The following MTHFD2L variants were observed in gnomAD, a reference collection of about 807,000 sequenced individuals.
MTHFD2L encodes the protein methylenetetrahydrofolate dehydrogenase (NADP+ dependent) 2 like.
Under a neutral mutation model 34.9 loss-of-function variants are expected in MTHFD2L, and 29 were observed. The observed-to-expected ratio is 0.83, with a 90% CI of 0.62 to 1.13. The LOEUF is 1.13. Among genes scored for constraint, MTHFD2L ranks in the 50% most tolerant of loss-of-function variants. The probability of loss-of-function intolerance (pLI) is 0.00; values close to 1 mark genes in which losing one functional copy is unlikely to be tolerated. For synonymous variants in MTHFD2L, 167 were observed against 155.7 expected (o/e 1.07, Z -0.54); for missense variants, 481 against 446.5 (o/e 1.08, Z -0.70).
At chr4:74,119,483 G>C (rs932356849), upstream of MTHFD2L, among the ~76,000 whole-genome samples, 41 of 152,092 alleles carry the variant, frequency 2.7e-4, no homozygotes, top group Admixed American at 1.8e-3. Context: ...AAAGAAAGCT[G>C]CATTTAAAAG....
chr4:74,232,025 C>G (rs568677174), intron 6 of MTHFD2L, among the ~76,000 whole-genome samples: 3 of 152,060 alleles, frequency 2.0e-5, no homozygotes, highest in African/African-American at 7.2e-5. Flanking sequence ...TTAATGTATT[C>G]TATGTTAGGC....
chr4:74,252,320 G>T (rs541609146), intron 6 of MTHFD2L, among the ~76,000 whole-genome samples: 28 of 151,384 alleles, frequency 1.8e-4, no homozygotes, highest in African/African-American at 6.8e-4. Flanking sequence ...CAAACTTACG[G>T]CAAGAGACCA....
intron 1 of MTHFD2L, among the ~76,000 whole-genome samples, chr4:74,135,694 C>A (rs2084278752): frequency 1.2e-4 from 1 of 8,476 alleles, no homozygotes; most frequent in Admixed American, 1.7e-3. Flanking sequence ...GACAAGGACA[C>A]ATTTTTTTTT....
At chr4:74,173,662 G>A (rs1222155149) in intron 1 of MTHFD2L, among the ~76,000 whole-genome samples, 1 of 152,176 alleles carries the variant, frequency 6.6e-6, no homozygotes, top group Non-Finnish European at 1.5e-5. Flanking sequence ...GTGGGGCTAC[G>A]TGTATACATA....
At position 74,182,251 on chromosome 4, in the gene MTHFD2L, G is replaced by A. The variant is rs533918346; in HGVS notation, c.451+6848G>A. ...TGTATCTGTTAGACAATTAGTGAAT[G>A]CTGTTGAAGAAATGAGTGAATCCTG... On this transcript the variant is annotated intron_variant, in intron 3 of 7. Coordinates refer to ENST00000325278, the MANE Select transcript of MTHFD2L (RefSeq NM_001144978.3). 3.9e-5 allele frequency among the ~76,000 whole-genome samples: 6 copies of A among 152,254 alleles called. No homozygotes were observed. The East Asian group carries it at 1.2e-3, about 29-fold the overall frequency.
At chr4:74,176,024 C>G (rs909943926) in intron 3 of MTHFD2L, among the ~76,000 whole-genome samples, 1 of 152,002 alleles carries the variant, frequency 6.6e-6, no homozygotes, top group Non-Finnish European at 1.5e-5. Context: ...AGTATTTTGT[C>G]TATTCTACTT....
intron 2 of MTHFD2L, among the ~76,000 whole-genome samples, chr4:74,117,980 T>G (rs1721683628): frequency 6.6e-6 from 1 of 152,222 alleles, no homozygotes; most frequent in Non-Finnish European, 1.5e-5. Flanking sequence ...GAAAGACCTA[T>G]AAGGGAAGAG....
intron 7 of MTHFD2L, among the ~76,000 whole-genome samples, chr4:74,298,684 G>T (rs543813367): frequency 7.2e-5 from 11 of 152,112 alleles, no homozygotes; most frequent in African/African-American, 2.6e-4. Flanking sequence ...TGAGCTATGA[G>T]AACTTATAGT....
At chr4:74,159,958 C>A in intron 1 of MTHFD2L, 1 of 747,604 alleles carries the variant, frequency 1.3e-6, no homozygotes, top group Non-Finnish European at 1.8e-6. Flanking sequence ...GTGAGGTTGG[C>A]CCCAAGGTTG....
intron 6 of MTHFD2L, among the ~76,000 whole-genome samples, chr4:74,243,757 G>A (rs1026703263): frequency 1.3e-5 from 2 of 152,110 alleles, no homozygotes; most frequent in African/African-American, 4.8e-5. Context: ...TTGCAGGCAA[G>A]GTAACAGAGC....
chr4:74,240,255 T>G (rs547989202), intron 6 of MTHFD2L, among the ~76,000 whole-genome samples: 1 of 152,316 alleles, frequency 6.6e-6, no homozygotes, highest in Admixed American at 6.5e-5. Flanking sequence ...ATAAGTAAAT[T>G]TCTACAAATA....
chr4:74,288,964 A>T (rs899863210), intron 7 of MTHFD2L, among the ~76,000 whole-genome samples: 13 of 151,830 alleles, frequency 8.6e-5, no homozygotes, highest in Non-Finnish European at 8.8e-5. Flanking sequence ...CAGTCTCTTG[A>T]TTATTACTGT....
chr4:74,135,934 T>C (rs966145276), intron 1 of MTHFD2L, among the ~76,000 whole-genome samples: 10 of 152,188 alleles, frequency 6.6e-5, no homozygotes, highest in South Asian at 4.1e-4. Flanking sequence ...AACATTCCTT[T>C]ATGATAAAAA....
rs565885883 is a variant in MTHFD2L at position 74,246,543 on chromosome 4, A to C, written c.805+21149A>C. ...AATGCTTTTGGTGTTATAGACATGAAGTCCTTGCCCATGCCTATGTCCTGA... is the reference window on the plus strand; with the variant it reads ...AATGCTTTTGGTGTTATAGACATGACGTCCTTGCCCATGCCTATGTCCTGA... On this transcript the variant is annotated intron_variant, in intron 6 of 7. Transcript: ENST00000325278. Among the ~76,000 whole-genome samples the C allele has an allele frequency of 1.6e-4, 24 of 152,182 alleles. 1 individual carries two copies. The highest frequency in any genetic ancestry group is 4.1e-4 in the South Asian group (2 of 4,830).
At chr4:74,189,177 C>T (rs1488031160) in intron 3 of MTHFD2L, among the ~76,000 whole-genome samples, 2 of 152,004 alleles carry the variant, frequency 1.3e-5, no homozygotes, top group Non-Finnish European at 2.9e-5. Context: ...TGTGTTTGGA[C>T]CAATATTGAG....
At chr4:74,285,426 T>C (rs910409095) in intron 7 of MTHFD2L, among the ~76,000 whole-genome samples, 1 of 152,180 alleles carries the variant, frequency 6.6e-6, no homozygotes, top group African/African-American at 2.4e-5. Flanking sequence ...AACTATTCTT[T>C]GCAAAATGTT....
chr4:74,192,268 A>AT (rs1732686447), intron 3 of MTHFD2L, among the ~76,000 whole-genome samples: 1 of 152,202 alleles, frequency 6.6e-6, no homozygotes, highest in Non-Finnish European at 1.5e-5. Flanking sequence ...ACATATTGTT[A>AT]TAAAAAATTC....
intron 6 of MTHFD2L, among the ~76,000 whole-genome samples, chr4:74,259,718 A>G (rs1324478424): frequency 1.3e-5 from 2 of 152,228 alleles, no homozygotes; most frequent in African/African-American, 4.8e-5. Context: ...AAGCTAAACC[A>G]TAGATCAGCT....
chr4:74,168,905 T>A (rs1466476285), intron 1 of MTHFD2L, among the ~76,000 whole-genome samples: 1 of 152,254 alleles, frequency 6.6e-6, no homozygotes, highest in Non-Finnish European at 1.5e-5. Flanking sequence ...AATTTGTTTA[T>A]GCACTAAAGT....
Sources: gnomAD v4.1 joint callset for allele counts (sites outside exome capture counted in the v4.1 genomes callset) on GRCh38, gnomAD v4.1.1 for gene constraint, MANE v1.5 for transcripts, NCBI Gene and HGNC (gene_info 2026-07-23, HGNC 2026-07-21) for gene names.